The following CLCN4 variants were observed in gnomAD, a reference collection of about 807,000 sequenced individuals.
CLCN4 encodes Cl-/H+ antiporter 4.
A neutral mutation model predicts 41.7 loss-of-function variants in CLCN4; 1 was observed. The observed-to-expected ratio is 0.02, with a 90% CI of 0.01 to 0.11. CLCN4 has a LOEUF of 0.11. CLCN4 is among the 10% of genes least tolerant of loss of function. CLCN4 has a pLI of 1.00. For missense variants in CLCN4, 287 were observed against 661.0 expected, an observed-to-expected ratio of 0.43 and a Z score of 6.20; for synonymous variants, 277 against 285.8, an observed-to-expected ratio of 0.97 and a Z score of 0.31.
At chrX:10,210,894 T>A (rs1357498396) in intron 9 of CLCN4, among the ~76,000 whole-genome samples, 1 of 107,833 alleles carries the variant, frequency 9.3e-6, no homozygotes, top group Non-Finnish European at 1.9e-5. Flanking sequence ...GTGATCCGCC[T>A]GCCTTGGCCT....
intron 12 of CLCN4, among the ~76,000 whole-genome samples, chrX:10,229,387 AT>A (rs750829782): frequency 0.026 from 2,614 of 99,998 alleles, 85 homozygotes; most frequent in African/African-American, 0.1. Flanking sequence ...GATTTTTAAA[AT>A]ATATATATAT....
In CLCN4 at chrX:10,212,698, T is replaced by C. The variant is rs779746707; in HGVS notation, c.1576+45T>C. 3.6e-6 allele frequency: 4 copies of C among 1,111,640 alleles called. No individual in the cohort carries two copies. The South Asian group carries it at 5.9e-5, about 16-fold the overall frequency. 91.6% of individuals were successfully genotyped at this position (1,111,640 alleles called of 1,213,427 possible). On this transcript the variant is annotated intron_variant, in intron 10 of 12. Coordinates refer to ENST00000380833, the MANE Select transcript of CLCN4 (RefSeq NM_001830.4). ...AGGGAGGGGGACCGGGGAACTAATC[T>C]GGCTTAGAGGACTGCCAAGAAGGAA...
chrX:10,167,227 G>A (rs749805324), intron 2 of CLCN4, among the ~76,000 whole-genome samples: 7 of 112,306 alleles, frequency 6.2e-5, no homozygotes, highest in Admixed American at 2.8e-4. Context: ...CCTGGCTCCC[G>A]TCACTGTCAG....
At chrX:10,197,710 T>C (rs1468184584) in intron 5 of CLCN4, among the ~76,000 whole-genome samples, 1 of 111,578 alleles carries the variant, frequency 9.0e-6, no homozygotes, top group Non-Finnish European at 1.9e-5. Flanking sequence ...AGAAGGCGCG[T>C]GTAAACAGCT....
At chrX:10,184,192 C>A in intron 2 of CLCN4, among the ~76,000 whole-genome samples, 1 of 112,441 alleles carries the variant, frequency 8.9e-6, no homozygotes, top group Non-Finnish European at 1.9e-5. Context: ...CTATTTGCCC[C>A]TCCAGCCCTG....
At chrX:10,208,917 A>G (rs925720420) in intron 9 of CLCN4, among the ~76,000 whole-genome samples, 1 of 112,031 alleles carries the variant, frequency 8.9e-6, no homozygotes, top group Non-Finnish European at 1.9e-5. Flanking sequence ...GGTGGTGGTG[A>G]CCACAGGTTT....
chrX:10,184,960 T>C (rs1923772117), intron 2 of CLCN4, 62 bp from the exon 3 acceptor site: 2 of 975,479 alleles, frequency 2.1e-6, no homozygotes, highest in African/African-American at 1.9e-5. Flanking sequence ...ACATGGACTA[T>C]TCTTCTTGCA....
intron 2 of CLCN4, among the ~76,000 whole-genome samples, chrX:10,169,820 G>A (rs770783978): frequency 3.8e-4 from 35 of 91,272 alleles, no homozygotes; most frequent in African/African-American, 1.5e-3. Context: ...ATAGAGTCTC[G>A]CTCTGTTGTC....
At chrX:10,197,854 T>C (rs1427180274) in intron 5 of CLCN4, 85 bp from the exon 6 acceptor site, 1 of 1,126,956 alleles carries the variant, frequency 8.9e-7, no homozygotes, top group Non-Finnish European at 1.2e-6. Flanking sequence ...GCTTTTGTTG[T>C]CAAGACAGAT....
chrX:10,172,797 CA>C (rs1466351304), intron 2 of CLCN4, among the ~76,000 whole-genome samples: 3 of 111,781 alleles, frequency 2.7e-5, no homozygotes, highest in Non-Finnish European at 5.6e-5. Flanking sequence ...GGCAGATAAA[CA>C]AATGTTTGCT....
chrX:10,183,105 T>A (rs1336228092), intron 2 of CLCN4, among the ~76,000 whole-genome samples: 1 of 112,024 alleles, frequency 8.9e-6, no homozygotes, highest in Non-Finnish European at 1.9e-5. Flanking sequence ...AAGAGGTTAT[T>A]TTCATGTTGT....
At chrX:10,191,525 A>T (rs1923960796) in intron 4 of CLCN4, among the ~76,000 whole-genome samples, 1 of 110,590 alleles carries the variant, frequency 9.0e-6, no homozygotes, top group Non-Finnish European at 1.9e-5. Context: ...GTGTGCATGG[A>T]TGTTTTCATT....
intron 2 of CLCN4, among the ~76,000 whole-genome samples, chrX:10,165,529 C>G (rs746298043): frequency 9.0e-6 from 1 of 111,281 alleles, no homozygotes; most frequent in Non-Finnish European, 1.9e-5. Context: ...GCTGTGTTTC[C>G]TTATGGGGGA....
At chrX:10,218,016 T>G (rs776590885) in intron 11 of CLCN4, among the ~76,000 whole-genome samples, 1 of 111,955 alleles carries the variant, frequency 8.9e-6, no homozygotes, top group Admixed American at 9.5e-5. Flanking sequence ...GTGCTGGGAT[T>G]ACAGGCATGA....
intron 2 of CLCN4, among the ~76,000 whole-genome samples, chrX:10,171,367 A>G (rs1373664239): frequency 8.9e-6 from 1 of 112,334 alleles, no homozygotes; most frequent in African/African-American, 3.2e-5. Flanking sequence ...AGGCAAGGGC[A>G]TAACTGGCTG....
chrX:10,220,117 A>G (rs999855103), intron 11 of CLCN4, among the ~76,000 whole-genome samples: 1 of 111,838 alleles, frequency 8.9e-6, no homozygotes, highest in South Asian at 3.7e-4. Context: ...CTTTGGACCC[A>G]AGGGTCGCGT....
rs1183464495 is a variant in CLCN4 at position 10,206,428 on chromosome X, T to C, written c.626T>C (p.Val209Ala). ...LGKWTLLIKT[V>A]TLVLVVSSGL... is the part of the protein sequence containing the mutation. Reference sequence around the variant, plus strand: ...AAGTGGACCCTGCTAATCAAGACAGTCACGCTGGTGCTGGTAGTGTCCTCC... The same window carrying C: ...AAGTGGACCCTGCTAATCAAGACAGCCACGCTGGTGCTGGTAGTGTCCTCC... The change falls in exon 7 of 13, where the codon GTC (valine) becomes GCC (alanine). Residue 209 changes from valine to alanine, a missense_variant. Val to Ala is a moderately conservative substitution (Grantham distance 64). Coordinates refer to ENST00000380833, the MANE Select transcript of CLCN4 (RefSeq NM_001830.4). The C allele has an allele frequency of 1.7e-6, 2 of 1,210,325 alleles. No homozygotes were observed. The highest frequency in any genetic ancestry group is 3.0e-5 in the East Asian group (1 of 33,845).
chrX:10,187,421 T>A (rs1923841103), intron 3 of CLCN4, 94 bp from the exon 4 acceptor site: 2 of 627,869 alleles, frequency 3.2e-6, no homozygotes, highest in Non-Finnish European at 5.2e-6. Flanking sequence ...TTTTATTTTC[T>A]TAATTACCCT....
At position 10,165,065 on chromosome X, in the gene CLCN4, G is replaced by A. The variant is rs1051744602; in HGVS notation, c.-12+6514G>A. On this transcript the variant is annotated intron_variant, in intron 2 of 12. Coordinates refer to ENST00000380833, the MANE Select transcript of CLCN4 (RefSeq NM_001830.4). The stretch of plus-strand genomic sequence containing the variant: ...CAAGTGGCCCTGGTCGCCCTGCACC[G>A]CCTGTCACGTGCGCTTCTGCGGGAT... 4.3e-4 allele frequency among the ~76,000 whole-genome samples: 49 copies of A among 112,742 alleles called. 5 individuals carry two copies. Among genetic ancestry groups the A allele is most frequent in the Admixed American group, 3.6e-3 (39 of 10,796 alleles).
Sources: gnomAD v4.1 joint callset for allele counts (sites outside exome capture counted in the v4.1 genomes callset) on GRCh38, gnomAD v4.1.1 for gene constraint, MANE v1.5 for transcripts, NCBI Gene and HGNC (gene_info 2026-07-23, HGNC 2026-07-21) for gene names.